NRXN3: variants seen among roughly 807,000 people sequenced by gnomAD.
NRXN3 encodes neurexin 3.
Under a neutral mutation model 137.6 loss-of-function variants are expected in NRXN3, and 32 were observed. That is an observed-to-expected ratio of 0.23 (90% confidence interval 0.18 to 0.31). The LOEUF is 0.31. Ranked by LOEUF, NRXN3 falls within the 10% of genes least tolerant of loss-of-function variation. The pLI is 1.00. For missense variants in NRXN3, 1,574 were observed against 2,062.5 expected, an observed-to-expected ratio of 0.76 and a Z score of 4.59; for synonymous variants, 798 against 784.5, an observed-to-expected ratio of 1.02 and a Z score of -0.29.
chr14:79,763,103 G>A (rs931779055), intron 19 of NRXN3, among the ~76,000 whole-genome samples: 4 of 150,098 alleles, frequency 2.7e-5, no homozygotes, highest in Admixed American at 6.6e-5. Context: ...TCCCACTTAT[G>A]AGTGAGAACA....
chr14:78,702,776 A>G (rs2098299998), intron 6 of NRXN3, among the ~76,000 whole-genome samples: 1 of 152,098 alleles, frequency 6.6e-6, no homozygotes, highest in Non-Finnish European at 1.5e-5. Context: ...TCCATGCTAT[A>G]CTGTCTGTTG....
At chr14:78,323,023 G>A (rs1031647011) in intron 4 of NRXN3, among the ~76,000 whole-genome samples, 4 of 152,132 alleles carry the variant, frequency 2.6e-5, no homozygotes, top group African/African-American at 9.7e-5. Flanking sequence ...CCACCATAAT[G>A]CCTCTACAAA....
intron 3 of NRXN3, chr14:78,282,146 G>T (rs1200899691): frequency 2.0e-6 from 1 of 502,762 alleles, no homozygotes; most frequent in Non-Finnish European, 4.0e-6. Context: ...AGGGACCCCT[G>T]TCAGGTGCCT....
chr14:79,814,480 G>C (rs564387071), intron 20 of NRXN3, among the ~76,000 whole-genome samples: 5 of 152,338 alleles, frequency 3.3e-5, no homozygotes, highest in Non-Finnish European at 5.9e-5. Flanking sequence ...TTTGCATCTG[G>C]AAGTCATAAG....
At chr14:79,008,040 C>G (rs2099557227) in intron 15 of NRXN3, among the ~76,000 whole-genome samples, 1 of 152,006 alleles carries the variant, frequency 6.6e-6, no homozygotes, top group African/African-American at 2.4e-5. Context: ...TTTGTTTTCC[C>G]ATGTGGGAAG....
At chr14:78,750,177 CA>C (rs904110280) in intron 8 of NRXN3, among the ~76,000 whole-genome samples, 1 of 152,234 alleles carries the variant, frequency 6.6e-6, no homozygotes, top group East Asian at 1.9e-4. Flanking sequence ...CACTGCCTTG[CA>C]AATATTCTTC....
At chr14:79,114,165 G>T (rs1272017504) in intron 15 of NRXN3, among the ~76,000 whole-genome samples, 2 of 152,210 alleles carry the variant, frequency 1.3e-5, no homozygotes, top group African/African-American at 4.8e-5. Flanking sequence ...TAACTAGGAG[G>T]AGGGGAAGAA....
chr14:79,311,098 A>G (rs1204803521), intron 15 of NRXN3, among the ~76,000 whole-genome samples: 10 of 70,194 alleles, frequency 1.4e-4, no homozygotes, highest in African/African-American at 3.1e-4. Context: ...ATTATTTTGA[A>G]ATACGTCCCA....
At chr14:79,546,546 T>C (rs2097322640) in intron 16 of NRXN3, among the ~76,000 whole-genome samples, 1 of 152,114 alleles carries the variant, frequency 6.6e-6, no homozygotes, top group South Asian at 2.1e-4. Flanking sequence ...TGTAAAGTGG[T>C]ATGGCTGTTT....
chr14:79,582,745 GT>G (rs2097728925), intron 16 of NRXN3, among the ~76,000 whole-genome samples: 1 of 152,098 alleles, frequency 6.6e-6, no homozygotes, highest in Admixed American at 6.6e-5. Flanking sequence ...ATTAGCACTT[GT>G]TAACTAAAGG....
At chr14:79,438,397 T>C (rs1434066538) in intron 15 of NRXN3, among the ~76,000 whole-genome samples, 1 of 152,156 alleles carries the variant, frequency 6.6e-6, no homozygotes, top group African/African-American at 2.4e-5. Context: ...GTGCCTTGTT[T>C]CCTAAATTGT....
intron 15 of NRXN3, among the ~76,000 whole-genome samples, chr14:79,210,234 C>G (rs1037719182): frequency 1.3e-5 from 2 of 152,080 alleles, no homozygotes; most frequent in African/African-American, 2.4e-5. Flanking sequence ...AATGGGTGTT[C>G]TGAGAGATGT....
At chr14:78,246,949 G>T (rs886449496) in intron 2 of NRXN3, among the ~76,000 whole-genome samples, 29 of 152,210 alleles carry the variant, frequency 1.9e-4, no homozygotes, top group Middle Eastern at 3.2e-3. Context: ...AGCACCTCTT[G>T]TCTCAATTTG....
chr14:79,539,073 G>A (rs1197688568), intron 16 of NRXN3, among the ~76,000 whole-genome samples: 1 of 152,102 alleles, frequency 6.6e-6, no homozygotes, highest in African/African-American at 2.4e-5. Flanking sequence ...TGGTTGGTTG[G>A]TTTTGAGATG....
chr14:79,688,932 T>G (rs2098705682), intron 17 of NRXN3, among the ~76,000 whole-genome samples: 1 of 152,168 alleles, frequency 6.6e-6, no homozygotes, highest in South Asian at 2.1e-4. Flanking sequence ...CTAATATGTT[T>G]TTTTCTAAAA....
intron 4 of NRXN3, among the ~76,000 whole-genome samples, chr14:78,624,514 C>T (rs773822841): frequency 3.9e-5 from 6 of 152,206 alleles, no homozygotes; most frequent in South Asian, 2.1e-4. Flanking sequence ...TGCACAGGGG[C>T]GGGGCCAGGT....
At chr14:78,729,051 A>G (rs1187338229) in intron 8 of NRXN3, among the ~76,000 whole-genome samples, 3 of 152,226 alleles carry the variant, frequency 2.0e-5, no homozygotes, top group Non-Finnish European at 2.9e-5. Flanking sequence ...TGATGCTTCA[A>G]TAACATAATT....
chr14:78,841,839 C>A (rs2099013365), intron 10 of NRXN3, among the ~76,000 whole-genome samples: 1 of 152,086 alleles, frequency 6.6e-6, no homozygotes, highest in African/African-American at 2.4e-5. Context: ...GCTATGTTAA[C>A]AACTGAGCCA....
intron 14 of NRXN3, among the ~76,000 whole-genome samples, chr14:78,975,975 T>A (rs2099464412): frequency 6.6e-6 from 1 of 152,190 alleles, no homozygotes; most frequent in African/African-American, 2.4e-5. Context: ...GTTGCCTTGC[T>A]GAGCAGTGCA....
Sources: allele counts gnomAD v4.1 joint callset (sites outside exome capture counted in the v4.1 genomes callset), GRCh38; gene constraint gnomAD v4.1.1; transcripts MANE v1.5; gene names NCBI Gene and HGNC (gene_info 2026-07-23, HGNC 2026-07-21).